Variants in PPP1R21 observed in about 807,000 individuals in gnomAD.
PPP1R21 encodes the protein KLRAQ motif containing 1.
A neutral mutation model predicts 112.8 loss-of-function variants in PPP1R21; 85 were observed. That is an observed-to-expected ratio of 0.75 (90% CI 0.63 to 0.90). The LOEUF is 0.90. Ranked by LOEUF, PPP1R21 falls within the 40% of genes least tolerant of loss-of-function variation. The pLI is 0.00. For synonymous variants in PPP1R21, 381 were observed against 322.3 expected (o/e 1.18, Z -1.95); for missense variants, 1,199 against 901.5 (o/e 1.33, Z -4.23).
intron 19 of PPP1R21, among the ~76,000 whole-genome samples, chr2:48,508,708 T>G (rs1240248810): frequency 6.6e-6 from 1 of 152,200 alleles, no homozygotes; most frequent in African/African-American, 2.4e-5. Flanking sequence ...ATATTCCTCT[T>G]TGTCAGGTTC....
At position 48,485,784 on chromosome 2, in the gene PPP1R21, A is replaced by G. The variant is rs753987209; in HGVS notation, c.1319-847A>G. 2.3e-4 allele frequency among the ~76,000 whole-genome samples: 34 copies of G among 150,828 alleles called. No individual in the cohort carries two copies. In the Middle Eastern group the frequency reaches 0.017, roughly 77 times the overall value. On this transcript the variant is annotated intron_variant, in intron 13 of 21. Coordinates refer to ENST00000294952, the MANE Select transcript of PPP1R21 (RefSeq NM_001135629.3). ...ACAATCAACAAAATTTCTTGATTCT[A>G]AATTAATGAAATTGTTTGTACAGAA...
chr2:48,511,581 GC>G, intron 21 of PPP1R21, 113 bp downstream of exon 21: 1 of 1,323,882 alleles, frequency 7.6e-7, no homozygotes, highest in Non-Finnish European at 1.0e-6. Flanking sequence ...GTTTGTAAGG[GC>G]CAGGGGCAGT....
chr2:48,505,576 A>T lies in PPP1R21; in HGVS notation c.1948A>T (p.Thr650Ser). Residue 650 changes from threonine to serine, a missense_variant, in exon 18 of 22, where the codon ACC (threonine) becomes TCC (serine). Coordinates refer to ENST00000294952, the MANE Select transcript of PPP1R21 (RefSeq NM_001135629.3). ...CCTTATGTTCTAGATTGGGACTTTA[A>T]CCAGGACATCTGACAGTGAGGTAAC... Reference protein sequence around the residue: ...IQSTSLIGTLTRTSDSEVPDV... With the variant: ...IQSTSLIGTLSRTSDSEVPDV... 1 of 1,550,612 alleles carries T rather than the reference A, an allele frequency of 6.4e-7. No individual in the cohort carries two copies. Among genetic ancestry groups the T allele is most frequent in the Non-Finnish European group, 8.7e-7 (1 of 1,145,488 alleles).
intron 14 of PPP1R21, among the ~76,000 whole-genome samples, chr2:48,490,605 CTATGT>C (rs1175912533): frequency 1.3e-5 from 2 of 152,036 alleles, no homozygotes; most frequent in Non-Finnish European, 2.9e-5. Context: ...ATTCAAGATA[CTATGT>C]TATATCTTCT....
At chr2:48,457,072 C>T (rs1053435359) in intron 3 of PPP1R21, among the ~76,000 whole-genome samples, 1 of 151,908 alleles carries the variant, frequency 6.6e-6, no homozygotes, top group African/African-American at 2.4e-5. Context: ...AGATACATGC[C>T]CTGGAAATTC....
In PPP1R21 at chr2:48,505,688, G is replaced by A. The variant is rs548822707; in HGVS notation, c.1968+92G>A. The A allele has an allele frequency of 3.7e-6, 4 of 1,089,188 alleles. No individual in the cohort carries two copies. The South Asian group carries it at 4.1e-5, about 11-fold the overall frequency. The allele number at this position is 1,089,188 out of a possible 1,614,324, so 67.5% of individuals were successfully genotyped here. On this transcript the variant is annotated intron_variant, in intron 18 of 21. Coordinates refer to ENST00000294952, the MANE Select transcript of PPP1R21 (RefSeq NM_001135629.3). ...CTGCAAAAGCCATCTTTGTCTAATT[G>A]TTGTTGTTGTTTTTTCCTGACACTT... is the stretch of plus-strand genomic sequence containing the variant.
intron 13 of PPP1R21, among the ~76,000 whole-genome samples, chr2:48,484,545 C>G (rs1226989215): frequency 9.0e-6 from 1 of 111,190 alleles, no homozygotes; most frequent in Non-Finnish European, 1.8e-5. Flanking sequence ...TGGACTGATT[C>G]TTGCTCTGTT....
chr2:48,505,542 G>T (rs1400624922), intron 17 of PPP1R21, 22 bp from the exon 18 acceptor site: 5 of 1,536,486 alleles, frequency 3.3e-6, no homozygotes, highest in African/African-American at 2.7e-5. Flanking sequence ...TGTTCTAAAA[G>T]ATTTTTCCCC....
At chr2:48,469,513 T>TAGC (rs1668404256) in intron 9 of PPP1R21, among the ~76,000 whole-genome samples, 2 of 4,450 alleles carry the variant, frequency 4.5e-4, no homozygotes, top group African/African-American at 3.0e-3. Context: ...ATAGAGCATA[T>TAGC]ATATATATAT....
At chr2:48,456,001 T>G in intron 3 of PPP1R21, among the ~76,000 whole-genome samples, 1 of 107,224 alleles carries the variant, frequency 9.3e-6, no homozygotes, top group African/African-American at 3.9e-5. Context: ...GGTGGCAGAG[T>G]GAGACACTGT....
chr2:48,486,679 C>G lies in PPP1R21; in HGVS notation c.1367C>G (p.Pro456Arg). ...SQKAAIEHEL[P>R]TATQKLITTN... ...AAAGCTGCAATAGAGCATGAACTTC[C>G]AACAGCAACACAGAAGCTGATAACA... The change falls in exon 14 of 22, where the codon CCA (proline) becomes CGA (arginine). Residue 456 changes from proline (P) to arginine (R), a missense_variant. By Grantham distance (103) the Pro-to-Arg change is moderately radical. Transcript: ENST00000294952. The G allele has an allele frequency of 1.9e-6, 3 of 1,613,464 alleles. No homozygotes were observed. The highest frequency in any genetic ancestry group is 2.5e-6 in the Non-Finnish European group (3 of 1,179,530).
intron 3 of PPP1R21, among the ~76,000 whole-genome samples, chr2:48,455,054 C>A (rs1667659159): frequency 1.3e-5 from 2 of 151,854 alleles, no homozygotes; most frequent in African/African-American, 4.8e-5. Flanking sequence ...CCCAGGCTGG[C>A]CTTGAACTCC....
At chr2:48,505,022 T>C (rs1047747868) in intron 17 of PPP1R21, among the ~76,000 whole-genome samples, 5 of 152,210 alleles carry the variant, frequency 3.3e-5, no homozygotes, top group African/African-American at 1.2e-4. Flanking sequence ...GAAAAAAATC[T>C]AGTAGCATTT....
chr2:48,487,814 A>T (rs1669379167), intron 14 of PPP1R21, among the ~76,000 whole-genome samples: 1 of 152,002 alleles, frequency 6.6e-6, no homozygotes, highest in Admixed American at 6.6e-5. Flanking sequence ...GTTTCAGCAG[A>T]AGTTATATTC....
chr2:48,482,745 A>C lies in PPP1R21; in HGVS notation c.1318+2729A>C, dbSNP rs145840214. Among the ~76,000 whole-genome samples the C allele has an allele frequency of 3.5e-3, 524 of 149,322 alleles. 1 individual carries two copies. Among genetic ancestry groups the C allele is most frequent in the African/African-American group, 0.012 (491 of 40,670 alleles). ...TATAGACCAACGTTTCCCAAAGTTT[A>C]GTGTGTATACACATCATCAGATGAC... On this transcript the variant is annotated intron_variant, in intron 13 of 21. Coordinates refer to ENST00000294952, the MANE Select transcript of PPP1R21 (RefSeq NM_001135629.3).
intron 14 of PPP1R21, among the ~76,000 whole-genome samples, chr2:48,488,270 A>T (rs1369341544): frequency 6.6e-6 from 1 of 152,144 alleles, no homozygotes; most frequent in Non-Finnish European, 1.5e-5. Flanking sequence ...CATCCACGGC[A>T]TGCCAGATGC....
intron 17 of PPP1R21, chr2:48,501,809 TA>T (rs1005629706): frequency 9.3e-4 from 132 of 142,048 alleles, no homozygotes; most frequent in Admixed American, 1.1e-3. Flanking sequence ...GCCTTGACTC[TA>T]AAAAAAAAAA....
At chr2:48,490,926 C>A in intron 14 of PPP1R21, 92 bp from the exon 15 acceptor site, 2 of 1,100,524 alleles carry the variant, frequency 1.8e-6, no homozygotes, top group Non-Finnish European at 2.7e-6. Flanking sequence ...CCATTCTCAA[C>A]ATCTTTAAAC....
chr2:48,507,146 C>G, intron 18 of PPP1R21, 123 bp from the exon 19 acceptor site: 1 of 1,333,668 alleles, frequency 7.5e-7, no homozygotes, highest in Non-Finnish European at 9.7e-7. Context: ...GGTAGGAAAA[C>G]AGTGATTCCC....
Sources: allele counts gnomAD v4.1 joint callset (sites outside exome capture counted in the v4.1 genomes callset), GRCh38; gene constraint gnomAD v4.1.1; transcripts MANE v1.5; gene names NCBI Gene and HGNC (gene_info 2026-07-23, HGNC 2026-07-21).